ZNF311: variants seen among roughly 807,000 people sequenced by gnomAD.
The protein encoded by ZNF311 is zinc finger protein zfp31.
Under a neutral mutation model 22.7 loss-of-function variants are expected in ZNF311, and 14 were observed. The observed-to-expected ratio is 0.62, with a 90% CI of 0.41 to 0.96. The LOEUF (loss-of-function observed/expected upper bound fraction) is 0.96, where lower values mean the gene tolerates loss of function less well. ZNF311 is among the 40% of genes least tolerant of loss of function. ZNF311 has a pLI of 0.00. For synonymous variants in ZNF311, 250 were observed against 275.3 expected (o/e 0.91, Z 0.91); for missense variants, 731 against 799.0 (o/e 0.91, Z 1.03).
rs1051909105 is a variant in ZNF311 at position 28,995,864 on chromosome 6, T to C, written c.1138A>G (p.Ile380Val). The C allele has an allele frequency of 1.9e-6, 3 of 1,613,978 alleles. No individual in the cohort carries two copies. The highest frequency in any genetic ancestry group is 1.7e-5 in the Admixed American group (1 of 60,006). Residue 380 changes from isoleucine to valine, a missense_variant, in exon 7 of 7, where the codon ATC becomes GTC. By Grantham distance (29) the Ile-to-Val change is conservative. Transcript: ENST00000377179. This position sits in a 1 kb window ranked among gnomAD's most constrained non-coding sequence, Gnocchi z 4.7. ...TCATATGGCTTCTCCCCAGTGTGGA[T>C]TCTGCCATGGATGGTAAGGGAATGC... is the stretch of plus-strand genomic sequence containing the variant. The part of the protein sequence containing the change: ...FKHSLTIHGR[I>V]HTGEKPYECE...
chr6:28,997,862 C>A (rs115486666), intron 6 of ZNF311, among the ~76,000 whole-genome samples: 2,567 of 152,264 alleles, frequency 0.017, 29 homozygotes, highest in Non-Finnish European at 0.027. Context: ...AAAGCACATG[C>A]CACACTGAAG....
Position 28,994,903 on chromosome 6 carries a change from C to A in ZNF311, c.*98G>T. 1.5e-6 allele frequency: 2 copies of A among 1,345,940 alleles called. No individual in the cohort carries two copies. The highest frequency in any genetic ancestry group is 2.0e-6 in the Non-Finnish European group (2 of 1,017,658). The allele number at this position is 1,345,940 out of a possible 1,614,324, so 83.4% of individuals were successfully genotyped here. Reference sequence around the variant, plus strand: ...AGGACAATGTCTTTGGGGAATCTCACAATTAAGGGTCAGGAAATCAGGAAT... The same window carrying A: ...AGGACAATGTCTTTGGGGAATCTCAAAATTAAGGGTCAGGAAATCAGGAAT... On this transcript the variant is annotated 3_prime_UTR_variant, in exon 7 of 7. Transcript: ENST00000377179.
At chr6:29,003,907 T>C in intron 2 of ZNF311, 39 bp downstream of exon 2, 1 of 1,612,886 alleles carries the variant, frequency 6.2e-7, no homozygotes, top group Non-Finnish European at 8.5e-7. Flanking sequence ...CTTCTCCTTC[T>C]TCCTCCTTGT....
chr6:28,995,335 T>C lies in ZNF311; in HGVS notation c.1667A>G (p.Lys556Arg), dbSNP rs1779326530. The C allele has an allele frequency of 1.2e-6, 2 of 1,614,042 alleles. No homozygotes were observed. The highest frequency in any genetic ancestry group is 1.3e-5 in the African/African-American group (1 of 75,042). The change falls in exon 7 of 7, where the codon AAA becomes AGA. Residue 556 changes from lysine to arginine, a missense_variant. Lys to Arg is a conservative substitution (Grantham distance 26, BLOSUM62 2). Transcript: ENST00000377179. The surrounding 1 kb of genome is among the most constrained non-coding windows in gnomAD (Gnocchi z 4.7). ...GAAGGCCATTCCACATACCTCACAT[T>C]TGTGAGGCTTCTCTCCAGTGTGAAT... ...RRIHTGEKPH[K>R]CEVCGMAFHH...
rs1262217557 is a variant in ZNF311, at chr6:28,994,991, A to G, written c.*10T>C. The G allele has an allele frequency of 1.9e-6, 3 of 1,577,460 alleles. No homozygotes were observed. Among genetic ancestry groups the G allele is most frequent in the Non-Finnish European group, 2.6e-6 (3 of 1,163,452 alleles). Reference sequence around the variant, plus strand: ...AGGAAAAACAGAAAGTAACACCAGAATCGTTATACTCAGGCACTGGTCAAA... The same window carrying G: ...AGGAAAAACAGAAAGTAACACCAGAGTCGTTATACTCAGGCACTGGTCAAA... On this transcript the variant is annotated 3_prime_UTR_variant, in exon 7 of 7. Coordinates refer to ENST00000377179, the MANE Select transcript of ZNF311 (RefSeq NM_001382360.1).
At chr6:29,003,777 CA>C (rs1319587404) in intron 2 of ZNF311, 168 bp downstream of exon 2, 1 of 1,495,076 alleles carries the variant, frequency 6.7e-7, no homozygotes, top group Middle Eastern at 1.9e-4. Context: ...TCTACAACTA[CA>C]AAGCTTTAAT....
At position 28,994,861 on chromosome 6, in the gene ZNF311, A is replaced by T; in HGVS notation, c.*140T>A. ...AAGTAAATGTGCTCACTGAAAAAAT[A>T]GTGAATAAGAAGGTAAAGGACAATG... On this transcript the variant is annotated 3_prime_UTR_variant, in exon 7 of 7. Coordinates refer to ENST00000377179, the MANE Select transcript of ZNF311 (RefSeq NM_001382360.1). 1.0e-6 allele frequency: 1 copy of T among 955,070 alleles called. No individual in the cohort carries two copies. The highest frequency in any genetic ancestry group is 1.5e-6 in the Non-Finnish European group (1 of 670,046). The allele number at this position is 955,070 out of a possible 1,614,324, so 59.2% of individuals were successfully genotyped here.
Position 29,000,995 on chromosome 6 carries a change from C to T in ZNF311, c.92-948G>A, listed in dbSNP as rs576976985. ...GTTTCACCATGTTAGCCAGGATGGT[C>T]TCCATCTCCTGACATCATGATCCAC... On this transcript the variant is annotated intron_variant, in intron 3 of 6. Transcript: ENST00000377179. 1.9e-4 allele frequency among the ~76,000 whole-genome samples: 29 copies of T among 152,240 alleles called. No homozygotes were observed. The South Asian group carries it at 6.0e-3, about 32-fold the overall frequency.
chr6:28,996,651 G>A, intron 6 of ZNF311, 65 bp from the exon 7 acceptor site: 1 of 1,502,516 alleles, frequency 6.7e-7, no homozygotes, highest in African/African-American at 1.4e-5. Flanking sequence ...GTGAAGCAAT[G>A]TTAAGCTGTT....
chr6:29,000,062 G>A lies in ZNF311; in HGVS notation c.92-15C>T, dbSNP rs1262302827. ...AGGTAATAGAGCTGAGGGAAGATAAGTAAGCCAAGAGTCAATATAGCACAG... is the reference window on the plus strand; with the variant it reads ...AGGTAATAGAGCTGAGGGAAGATAAATAAGCCAAGAGTCAATATAGCACAG... On this transcript the variant is annotated splice_polypyrimidine_tract_variant and intron_variant, in intron 3 of 6. Coordinates refer to ENST00000377179, the MANE Select transcript of ZNF311 (RefSeq NM_001382360.1). 1 of 1,609,494 alleles carries A rather than the reference G, an allele frequency of 6.2e-7. No individual in the cohort carries two copies. The highest frequency in any genetic ancestry group is 8.5e-7 in the Non-Finnish European group (1 of 1,177,748).
Position 29,004,208 on chromosome 6 carries a change from T to C in ZNF311, c.-254A>G. The C allele has an allele frequency of 2.1e-6, 3 of 1,408,052 alleles. No individual in the cohort carries two copies. Among genetic ancestry groups the C allele is most frequent in the Non-Finnish European group, 2.8e-6 (3 of 1,085,578 alleles). 87.2% of individuals were successfully genotyped at this position (1,408,052 alleles called of 1,614,324 possible). A position where few individuals can be genotyped will look rare whatever the true frequency, so the allele number is the denominator to read the frequency against. On this transcript the variant is annotated 5_prime_UTR_variant, in exon 2 of 7. Coordinates refer to ENST00000377179, the MANE Select transcript of ZNF311 (RefSeq NM_001382360.1). Reference sequence around the variant, plus strand: ...ACTAAACCGCTGTGATCTCACATCTTGTTTCCCTGCATATTTGGTGAAGGG... The same window carrying C: ...ACTAAACCGCTGTGATCTCACATCTCGTTTCCCTGCATATTTGGTGAAGGG...
intron 6 of ZNF311, 48 bp from the exon 7 acceptor site, chr6:28,996,634 G>T (rs1354615915): frequency 1.3e-6 from 2 of 1,529,878 alleles, no homozygotes; most frequent in Admixed American, 2.1e-5. Flanking sequence ...TAAGTGAGAT[G>T]GGAGGCGTGA....
At chr6:29,000,815 C>T (rs887535809) in intron 3 of ZNF311, among the ~76,000 whole-genome samples, 1 of 150,468 alleles carries the variant, frequency 6.6e-6, no homozygotes. Flanking sequence ...CTCGCTCTGT[C>T]TCCCAGGCTG....
chr6:28,995,219 C>G lies in ZNF311; in HGVS notation c.1783G>C (p.Gly595Arg). The G allele has an allele frequency of 1.2e-6, 2 of 1,614,052 alleles. No homozygotes were observed. Among genetic ancestry groups the G allele is most frequent in the Non-Finnish European group, 1.7e-6 (2 of 1,180,030 alleles). The stretch of plus-strand genomic sequence containing the variant: ...CGCTTATGTCCAATCAGAGCTGAGC[C>G]CTGACGGAAGGACGTGCCACACTCA... ...CSECGTSFRQ[G>R]SALIGHKRVH... The change falls in exon 7 of 7, where the codon GGC becomes CGC. Residue 595 changes from glycine (G) to arginine (R), a missense_variant. Gly to Arg is a moderately radical substitution (Grantham distance 125, BLOSUM62 -2). Transcript: ENST00000377179. The surrounding 1 kb of genome is among the most constrained non-coding windows in gnomAD (Gnocchi z 4.7).
Position 28,996,455 on chromosome 6 carries a change from C to T in ZNF311, c.547G>A (p.Glu183Lys). Residue 183 changes from glutamate (E) to lysine (K), a missense_variant, in exon 7 of 7, where the codon GAA becomes AAA. Transcript: ENST00000377179. The part of the protein sequence containing the change: ...KVDSRDPKVR[E>K]VCVQDVKLEN... ...AATTTGACATCCTGAACACAAACTT[C>T]TCTAACCTTAGGATCCCGGGAATCA... 1 of 1,609,422 alleles carries T rather than the reference C, an allele frequency of 6.2e-7. No homozygotes were observed. Among genetic ancestry groups the T allele is most frequent in the Non-Finnish European group, 8.5e-7 (1 of 1,180,018 alleles).
At position 29,004,190 on chromosome 6, in the gene ZNF311, C is replaced by T. The variant is rs1780852643; in HGVS notation, c.-236G>A. The T allele has an allele frequency of 2.1e-6, 3 of 1,425,710 alleles. No individual in the cohort carries two copies. Among genetic ancestry groups the T allele is most frequent in the Non-Finnish European group, 2.7e-6 (3 of 1,094,976 alleles). The allele number at this position is 1,425,710 out of a possible 1,614,324, so 88.3% of individuals were successfully genotyped here. A position where few individuals can be genotyped will look rare whatever the true frequency, so the allele number is the denominator to read the frequency against. On this transcript the variant is annotated 5_prime_UTR_variant, in exon 2 of 7. Transcript: ENST00000377179. Reference sequence around the variant, plus strand: ...TTGGGGTTCATTAGCAACACTAAACCGCTGTGATCTCACATCTTGTTTCCC... The same window carrying T: ...TTGGGGTTCATTAGCAACACTAAACTGCTGTGATCTCACATCTTGTTTCCC...
At chr6:29,003,683 C>T in intron 2 of ZNF311, 89 bp from the exon 3 acceptor site, 1 of 1,484,500 alleles carries the variant, frequency 6.7e-7, no homozygotes, top group Non-Finnish European at 9.4e-7. Flanking sequence ...GGTCTATCCA[C>T]AGAAACTGTC....
chr6:28,997,771 C>A (rs1251191653), intron 6 of ZNF311, among the ~76,000 whole-genome samples: 1 of 152,184 alleles, frequency 6.6e-6, no homozygotes, highest in African/African-American at 2.4e-5. Flanking sequence ...GTTAATAAAT[C>A]TTAATACCTG....
intron 2 of ZNF311, 90 bp downstream of exon 2, chr6:29,003,828 GACACCTCCAACAGTATCTAGAGTCAGAC>G (rs1257482999): frequency 1.9e-5 from 30 of 1,603,738 alleles, no homozygotes; most frequent in African/African-American, 2.7e-5. Context: ...TCTAGGAGGA[GACACCTCCAACAGTATCTAGAGTCAGAC>G]ACACCTCCAC....
Sources: allele counts gnomAD v4.1 joint callset (sites outside exome capture counted in the v4.1 genomes callset), GRCh38; gene constraint gnomAD v4.1.1; non-coding constraint Gnocchi (gnomAD v3.1); transcripts MANE v1.5; gene names NCBI Gene and HGNC (gene_info 2026-07-23, HGNC 2026-07-21).